The following AATF variants were observed in gnomAD, a reference collection of about 807,000 sequenced individuals.
AATF encodes apoptosis antagonizing transcription factor.
A neutral mutation model predicts 63.7 loss-of-function variants in AATF; 48 were observed. The ratio of observed to expected loss-of-function variants is 0.75; its 90% CI spans 0.60 to 0.96. The LOEUF is 0.96. AATF is among the 40% of genes least tolerant of loss of function. The pLI is 0.00. For synonymous variants in AATF, 258 were observed against 247.7 expected, an observed-to-expected ratio of 1.04 and a Z score of -0.39; for missense variants, 639 against 685.7, an observed-to-expected ratio of 0.93 and a Z score of 0.76.
intron 11 of AATF, among the ~76,000 whole-genome samples, chr17:37,049,621 A>G (rs943319167): frequency 1.1e-4 from 16 of 151,006 alleles, no homozygotes; most frequent in Admixed American, 3.3e-4. Context: ...AAAAAAAAAA[A>G]GGGAAAGCTG....
intron 4 of AATF, among the ~76,000 whole-genome samples, chr17:36,955,653 T>C (rs1261497370): frequency 6.6e-6 from 1 of 152,222 alleles, no homozygotes; most frequent in Non-Finnish European, 1.5e-5. Flanking sequence ...TTGTTACTCA[T>C]TATTCTTTTT....
intron 5 of AATF, among the ~76,000 whole-genome samples, chr17:36,987,153 A>ATTGTTTTTTTTT (rs2071175500): frequency 8.2e-6 from 1 of 121,374 alleles, no homozygotes; most frequent in African/African-American, 3.2e-5. Context: ...ATGCCTGGCT[A>ATTGTTTTTTTTT]TTTTTTTTTT....
chr17:37,044,028 A>C, intron 11 of AATF, among the ~76,000 whole-genome samples: 1 of 152,148 alleles, frequency 6.6e-6, no homozygotes, highest in East Asian at 1.9e-4. Flanking sequence ...GCAAACCCCA[A>C]AAAAAGTTGG....
chr17:36,958,696 G>C (rs1383977517), intron 4 of AATF, among the ~76,000 whole-genome samples: 1 of 152,146 alleles, frequency 6.6e-6, no homozygotes, highest in Non-Finnish European at 1.5e-5. Context: ...TATTTCATCT[G>C]TAGTTGTACC....
At chr17:37,024,576 C>T (rs1332592377) in intron 10 of AATF, among the ~76,000 whole-genome samples, 6 of 152,106 alleles carry the variant, frequency 3.9e-5, no homozygotes, top group African/African-American at 1.4e-4. Context: ...ATCATGACCA[C>T]GTTAAGAATT....
intron 11 of AATF, among the ~76,000 whole-genome samples, chr17:37,048,296 CTG>C (rs150536133): frequency 7.9e-4 from 119 of 150,736 alleles, no homozygotes; most frequent in African/African-American, 2.8e-3. Context: ...CTTATCAGCA[CTG>C]TGTCTTTTTA....
chr17:37,002,511 CAA>C (rs942463235), intron 8 of AATF, among the ~76,000 whole-genome samples: 8 of 123,846 alleles, frequency 6.5e-5, no homozygotes, highest in Admixed American at 1.7e-4. Context: ...ACTAAAAATA[CAA>C]AAAAAAAAAA....
At chr17:37,027,192 T>A (rs948669562) in intron 10 of AATF, among the ~76,000 whole-genome samples, 4 of 152,226 alleles carry the variant, frequency 2.6e-5, no homozygotes, top group Non-Finnish European at 5.9e-5. Context: ...TGATTGTCAG[T>A]ATTCTACTCA....
intron 4 of AATF, among the ~76,000 whole-genome samples, chr17:36,976,450 C>T (rs997241324): frequency 2.6e-5 from 4 of 152,238 alleles, no homozygotes; most frequent in African/African-American, 9.6e-5. Flanking sequence ...AAGGATATAG[C>T]TCTTGGGCCA....
chr17:37,016,554 A>C (rs1038103855), intron 8 of AATF, among the ~76,000 whole-genome samples: 1 of 152,240 alleles, frequency 6.6e-6, no homozygotes, highest in African/African-American at 2.4e-5. Context: ...TCACATAGAA[A>C]ATTACTACAA....
chr17:37,012,098 G>A (rs1480026862), intron 8 of AATF, among the ~76,000 whole-genome samples: 1 of 151,642 alleles, frequency 6.6e-6, no homozygotes, highest in Non-Finnish European at 1.5e-5. Context: ...TGTTGCTCAG[G>A]CTGGAGTGCA....
At chr17:37,006,350 T>C (rs1295119820) in intron 8 of AATF, among the ~76,000 whole-genome samples, 1 of 152,064 alleles carries the variant, frequency 6.6e-6, no homozygotes, top group East Asian at 1.9e-4. Flanking sequence ...ATGCCTGTAA[T>C]CCCAGCTAGT....
chr17:37,001,646 A>G (rs1476154516), intron 8 of AATF, among the ~76,000 whole-genome samples: 1 of 152,144 alleles, frequency 6.6e-6, no homozygotes, highest in Non-Finnish European at 1.5e-5. Context: ...CATGAGAAAA[A>G]CATTTTTAAA....
chr17:37,010,541 A>G (rs773895097), intron 8 of AATF, among the ~76,000 whole-genome samples: 1 of 152,120 alleles, frequency 6.6e-6, no homozygotes, highest in Non-Finnish European at 1.5e-5. Context: ...TGGAGTGGTG[A>G]TTGTGTTCAG....
chr17:37,006,287 T>A lies in AATF; in HGVS notation c.1399-12718T>A, dbSNP rs143390962. On this transcript the variant is annotated intron_variant, in intron 8 of 11. Transcript: ENST00000619387. The stretch of plus-strand genomic sequence containing the variant: ...GAGTTCGAGACCAGCCTGACCAACA[T>A]GGTGAAACCTCATCTCTACTAAAAA... Among the ~76,000 whole-genome samples, 4 of 152,202 alleles carry A rather than the reference T, an allele frequency of 2.6e-5. No individual in the cohort carries two copies. In the East Asian group the frequency reaches 7.7e-4, roughly 29 times the overall value.
chr17:37,042,249 A>G (rs1218258342), intron 11 of AATF, among the ~76,000 whole-genome samples: 1 of 151,908 alleles, frequency 6.6e-6, no homozygotes, highest in Non-Finnish European at 1.5e-5. Flanking sequence ...TGATTAGGCA[A>G]TCTCTCCTGT....
At chr17:37,048,363 C>CTTT (rs60374815) in intron 11 of AATF, among the ~76,000 whole-genome samples, 3 of 70,842 alleles carry the variant, frequency 4.2e-5, no homozygotes, top group Non-Finnish European at 8.2e-5. Flanking sequence ...TTTTTCTTTT[C>CTTT]TTTTTTTTTT....
At chr17:37,003,241 G>A (rs989663099) in intron 8 of AATF, among the ~76,000 whole-genome samples, 2 of 152,110 alleles carry the variant, frequency 1.3e-5, no homozygotes, top group African/African-American at 4.8e-5. Context: ...TGGTGTTGGA[G>A]CAACTGGATA....
intron 4 of AATF, among the ~76,000 whole-genome samples, chr17:36,984,177 G>A (rs2071149113): frequency 6.6e-6 from 1 of 152,208 alleles, no homozygotes; most frequent in Non-Finnish European, 1.5e-5. Context: ...TGAATGTCGG[G>A]ATTGTTGAAC....
Sources: allele counts gnomAD v4.1 joint callset (sites outside exome capture counted in the v4.1 genomes callset), GRCh38; gene constraint gnomAD v4.1.1; transcripts MANE v1.5; gene names NCBI Gene and HGNC (gene_info 2026-07-23, HGNC 2026-07-21).